The following RRAGC variants were observed in gnomAD, a reference collection of about 807,000 sequenced individuals.
RRAGC encodes the protein Ras related GTP binding C.
RRAGC carries 8 observed loss-of-function variants against 37.1 expected under a neutral mutation model. The ratio of observed to expected loss-of-function variants is 0.22; its 90% CI spans 0.13 to 0.39. The LOEUF is 0.39. RRAGC is among the 10% of genes least tolerant of loss of function. The probability of loss-of-function intolerance (pLI) is 1.00; values close to 1 mark genes in which losing one functional copy is unlikely to be tolerated. For missense variants in RRAGC, 342 were observed against 497.6 expected (o/e 0.69, Z 2.98); for synonymous variants, 190 against 181.1 (o/e 1.05, Z -0.39).
intron 4 of RRAGC, 46 bp from the exon 5 acceptor site, chr1:38,851,803 C>T: frequency 1.3e-6 from 2 of 1,516,594 alleles, no homozygotes; most frequent in Non-Finnish European, 1.8e-6. Context: ...TTAAGAATCA[C>T]AATTTACAAC....
intron 6 of RRAGC, among the ~76,000 whole-genome samples, chr1:38,843,944 C>T (rs1294319746): frequency 6.6e-6 from 1 of 152,042 alleles, no homozygotes; most frequent in East Asian, 1.9e-4. Context: ...GCAATGAGAA[C>T]CTGGAGTGGA....
chr1:38,851,214 T>C (rs771715509), intron 5 of RRAGC, among the ~76,000 whole-genome samples: 4 of 152,236 alleles, frequency 2.6e-5, no homozygotes, highest in Non-Finnish European at 5.9e-5. Context: ...AGATTAAGAA[T>C]CCCTAATTCC....
chr1:38,849,100 CAAAAAAAAAAAAG>C (rs1642063892), intron 5 of RRAGC, among the ~76,000 whole-genome samples: 1 of 116,478 alleles, frequency 8.6e-6, no homozygotes, highest in Non-Finnish European at 1.8e-5. Flanking sequence ...GACCATGTCT[CAAAAAAAAAAAAG>C]AAAAAAAAAA....
At position 38,852,499 on chromosome 1, in the gene RRAGC, C is replaced by A; in HGVS notation, c.642-11G>T. 4.1e-6 allele frequency: 5 copies of A among 1,209,824 alleles called. No homozygotes were observed. Among genetic ancestry groups the A allele is most frequent in the Middle Eastern group, 1.9e-4 (1 of 5,164 alleles). The allele number at this position is 1,209,824 out of a possible 1,614,324, so 74.9% of individuals were successfully genotyped here. On this transcript the variant is annotated splice_polypyrimidine_tract_variant and intron_variant, in intron 3 of 6. Coordinates refer to ENST00000373001, the MANE Select transcript of RRAGC (RefSeq NM_022157.4). ...CTAGTCAGATAAAAGCTGAAAAACACAACATAGCTTGATTAATTTGAAAAA... is the reference window on the plus strand; with the variant it reads ...CTAGTCAGATAAAAGCTGAAAAACAAAACATAGCTTGATTAATTTGAAAAA...
intron 1 of RRAGC, 69 bp from the exon 2 acceptor site, chr1:38,857,151 G>A: frequency 7.8e-7 from 1 of 1,287,062 alleles, no homozygotes; most frequent in South Asian, 1.3e-5. Flanking sequence ...TTCCACCCTG[G>A]TTTAACATTT....
At chr1:38,849,819 G>A (rs182312538) in intron 5 of RRAGC, among the ~76,000 whole-genome samples, 3 of 152,206 alleles carry the variant, frequency 2.0e-5, no homozygotes, top group East Asian at 1.9e-4. Flanking sequence ...AAAAGCAAAC[G>A]TTCTACTCAT....
Position 38,839,414 on chromosome 1 carries a change from A to T in RRAGC, c.*139T>A, listed in dbSNP as rs1285623719. 1.2e-6 allele frequency: 1 copy of T among 804,360 alleles called. No homozygotes were observed. The highest frequency in any genetic ancestry group is 1.7e-5 in the African/African-American group (1 of 58,056). 49.8% of individuals were successfully genotyped at this position (804,360 alleles called of 1,614,324 possible). A position where few individuals can be genotyped will look rare whatever the true frequency, so the allele number is the denominator to read the frequency against. Reference sequence around the variant, plus strand: ...ACCAGTTGAAGGGGTTTTCATCCAAATGAGAAACTCTACCCCTTGTCTCTA... The same window carrying T: ...ACCAGTTGAAGGGGTTTTCATCCAATTGAGAAACTCTACCCCTTGTCTCTA... On this transcript the variant is annotated 3_prime_UTR_variant, in exon 7 of 7. Coordinates refer to ENST00000373001, the MANE Select transcript of RRAGC (RefSeq NM_022157.4).
intron 5 of RRAGC, chr1:38,846,474 C>CG (rs1290246056): frequency 6.4e-6 from 1 of 156,824 alleles, no homozygotes; most frequent in Non-Finnish European, 1.4e-5. Flanking sequence ...TAACAGGGAC[C>CG]TCTGGGACCT....
At position 38,851,627 on chromosome 1, in the gene RRAGC, G is replaced by C; in HGVS notation, c.887C>G (p.Ser296Cys). 6.4e-7 allele frequency: 1 copy of C among 1,557,412 alleles called. No individual in the cohort carries two copies. Among genetic ancestry groups the C allele is most frequent in the Non-Finnish European group, 8.6e-7 (1 of 1,159,364 alleles). The change falls in exon 5 of 7, where the codon TCT (serine) becomes TGT (cysteine). Residue 296 changes from serine to cysteine, a missense_variant. This residue lies in a region of RRAGC where 104 missense variants were observed against 127.0 expected (regional missense o/e 0.82). Transcript: ENST00000373001. ...CDMIDVVIDV[S>C]CIYGLKEDGS... ...ATACATAACTTACCCATATATACAA[G>C]ACACATCAATTACAACATCGATCAT...
chr1:38,855,362 C>G (rs1464945797), intron 3 of RRAGC, among the ~76,000 whole-genome samples: 2 of 152,196 alleles, frequency 1.3e-5, no homozygotes, highest in Non-Finnish European at 2.9e-5. Context: ...GACAGATTCA[C>G]TTCACTGATG....
intron 3 of RRAGC, among the ~76,000 whole-genome samples, chr1:38,853,730 A>G (rs924918333): frequency 7.9e-5 from 12 of 151,760 alleles, no homozygotes; most frequent in Non-Finnish European, 1.5e-5. Context: ...CTGGGCAACA[A>G]GAGTGAAACT....
At chr1:38,853,756 A>G (rs1427873782) in intron 3 of RRAGC, among the ~76,000 whole-genome samples, 1 of 152,108 alleles carries the variant, frequency 6.6e-6, no homozygotes, top group Non-Finnish European at 1.5e-5. Context: ...TCAAAAAAAA[A>G]AAAAAAAATA....
At chr1:38,851,121 T>C (rs192074038) in intron 5 of RRAGC, among the ~76,000 whole-genome samples, 16 of 152,356 alleles carry the variant, frequency 1.1e-4, no homozygotes, top group Admixed American at 9.1e-4. Flanking sequence ...TAGAGATTTA[T>C]TTTGGAAACT....
intron 5 of RRAGC, among the ~76,000 whole-genome samples, chr1:38,848,644 A>G (rs1266466414): frequency 6.6e-6 from 1 of 152,234 alleles, no homozygotes; most frequent in Non-Finnish European, 1.5e-5. Context: ...TATCTGTTTT[A>G]ACAGTTTTTA....
Position 38,859,695 on chromosome 1 carries a change from A to AGCCAGGCCGC in RRAGC, c.-59_-50dup. 1 of 1,368,300 alleles carries AGCCAGGCCGC rather than the reference A, an allele frequency of 7.3e-7. No homozygotes were observed. Among genetic ancestry groups the AGCCAGGCCGC allele is most frequent in the Non-Finnish European group, 9.5e-7 (1 of 1,057,508 alleles). 84.8% of individuals were successfully genotyped at this position (1,368,300 alleles called of 1,614,324 possible). A position where few individuals can be genotyped will look rare whatever the true frequency, so the allele number is the denominator to read the frequency against. On this transcript the variant is annotated 5_prime_UTR_variant, in exon 1 of 7. Transcript: ENST00000373001. ...CGCCCTGACAGGCCAGGCCAGGCCG[A>AGCCAGGCCGC]GCCAGGCCGCCGCCTCCCCAGTCCG...
chr1:38,848,340 A>G (rs147217431), intron 5 of RRAGC, among the ~76,000 whole-genome samples: 4 of 152,354 alleles, frequency 2.6e-5, no homozygotes, highest in African/African-American at 9.6e-5. Flanking sequence ...AGTGAGAACA[A>G]GAACTAACTC....
At position 38,851,026 on chromosome 1, in the gene RRAGC, T is replaced by C. The variant is rs990087467; in HGVS notation, c.899+589A>G. Among the ~76,000 whole-genome samples, 10 of 152,348 alleles carry C rather than the reference T, an allele frequency of 6.6e-5. No homozygotes were observed. The East Asian group carries it at 1.9e-3, about 29-fold the overall frequency. On this transcript the variant is annotated intron_variant, in intron 5 of 6. Transcript: ENST00000373001. ...CAAAGTTTTCACCAGTCCTCTGGCC[T>C]ATTCTACAAAATCACTTGCTGGCTG...
At chr1:38,859,023 G>A (rs1246412089) in intron 1 of RRAGC, among the ~76,000 whole-genome samples, 1 of 152,228 alleles carries the variant, frequency 6.6e-6, no homozygotes, top group Non-Finnish European at 1.5e-5. Flanking sequence ...AAACACTCAG[G>A]TCACCTGAAG....
rs1641923003 is a variant in RRAGC, at chr1:38,839,418, G to GA, written c.*134dup. 1.2e-6 allele frequency: 1 copy of GA among 832,386 alleles called. No individual in the cohort carries two copies. The highest frequency in any genetic ancestry group is 1.7e-5 in the African/African-American group (1 of 58,198). The allele number at this position is 832,386 out of a possible 1,614,324, so 51.6% of individuals were successfully genotyped here. ...GTTGAAGGGGTTTTCATCCAAATGA[G>GA]AAACTCTACCCCTTGTCTCTAGTGG... is the stretch of plus-strand genomic sequence containing the variant. On this transcript the variant is annotated 3_prime_UTR_variant, in exon 7 of 7. Coordinates refer to ENST00000373001, the MANE Select transcript of RRAGC (RefSeq NM_022157.4).
Sources: allele counts gnomAD v4.1 joint callset (sites outside exome capture counted in the v4.1 genomes callset), GRCh38; gene constraint gnomAD v4.1.1; regional missense constraint gnomAD v4.1.1; transcripts MANE v1.5; gene names NCBI Gene and HGNC (gene_info 2026-07-23, HGNC 2026-07-21).